The following TTC23 variants were observed in gnomAD, a reference collection of about 807,000 sequenced individuals.
The protein encoded by TTC23 is tetratricopeptide repeat domain 23.
Under a neutral mutation model 55.1 loss-of-function variants are expected in TTC23, and 58 were observed. The observed-to-expected ratio is 1.05, with a 90% CI of 0.85 to 1.31. The LOEUF (loss-of-function observed/expected upper bound fraction) is 1.31. TTC23 is among the 50% of genes most tolerant of loss of function. The pLI is 0.00. For synonymous variants in TTC23, 203 were observed against 199.9 expected, an observed-to-expected ratio of 1.02 and a Z score of -0.13; for missense variants, 516 against 534.4, an observed-to-expected ratio of 0.97 and a Z score of 0.34.
chr15:99,178,526 G>A (rs1001973224), intron 9 of TTC23, among the ~76,000 whole-genome samples: 10 of 152,172 alleles, frequency 6.6e-5, no homozygotes, highest in African/African-American at 2.4e-4. Flanking sequence ...CTACATGCCA[G>A]ATATTGTGCT....
intron 8 of TTC23, among the ~76,000 whole-genome samples, chr15:99,201,456 A>G (rs2076191505): frequency 6.6e-6 from 1 of 152,190 alleles, no homozygotes; most frequent in African/African-American, 2.4e-5. Flanking sequence ...TGCCCAAGAG[A>G]AAGCTAAAAG....
intron 5 of TTC23, among the ~76,000 whole-genome samples, chr15:99,227,714 T>C (rs568856535): frequency 2.0e-5 from 3 of 152,328 alleles, no homozygotes; most frequent in South Asian, 4.1e-4. Context: ...GACAGCTCCT[T>C]ACAGTTCCCC....
chr15:99,240,555 G>A (rs770549073), intron 3 of TTC23, among the ~76,000 whole-genome samples: 1 of 152,192 alleles, frequency 6.6e-6, no homozygotes, highest in African/African-American at 2.4e-5. Context: ...AGGGAAGAGG[G>A]GGAGCTGCCC....
chr15:99,167,700 G>A (rs2151911647), intron 10 of TTC23, among the ~76,000 whole-genome samples: 1 of 152,300 alleles, frequency 6.6e-6, no homozygotes, highest in South Asian at 2.1e-4. Context: ...CTGGAGGGGA[G>A]GTCAGGAGGC....
intron 6 of TTC23, 151 bp from the exon 7 acceptor site, chr15:99,219,199 T>C: frequency 1.2e-6 from 1 of 843,728 alleles, no homozygotes; most frequent in African/African-American, 1.7e-5. Flanking sequence ...AACACTGCCA[T>C]GACTGTAACA....
In TTC23 at chr15:99,200,019, T is replaced by G. The variant is rs371786848; in HGVS notation, c.659A>C (p.Lys220Thr). The G allele has an allele frequency of 8.7e-6, 14 of 1,614,010 alleles. No homozygotes were observed. In the African/African-American group the frequency reaches 1.7e-4, roughly 20 times the overall value. ...QAALEYVEIS[K>T]GETSRECVPI... ...TACACACTCACGACTTGTTTCACCT[T>G]TACTGATCTCAACATATTCCAAAGC... is the stretch of plus-strand genomic sequence containing the variant. The change falls in exon 9 of 14, where the codon AAA becomes ACA. Residue 220 changes from lysine (K) to threonine (T), a missense_variant. Coordinates refer to ENST00000394132, the MANE Select transcript of TTC23 (RefSeq NM_001288615.3).
chr15:99,170,874 G>A (rs1471523653), intron 10 of TTC23, among the ~76,000 whole-genome samples: 2 of 152,230 alleles, frequency 1.3e-5, no homozygotes, highest in African/African-American at 4.8e-5. Flanking sequence ...TTCCCCACAC[G>A]TGCAACACGT....
At position 99,232,875 on chromosome 15, in the gene TTC23, G is replaced by A. The variant is rs1026160249; in HGVS notation, c.-21+2113C>T. 7.2e-5 allele frequency among the ~76,000 whole-genome samples: 11 copies of A among 152,260 alleles called. No homozygotes were observed. In the South Asian group the frequency reaches 2.1e-3, roughly 29 times the overall value. On this transcript the variant is annotated intron_variant, in intron 4 of 13. Transcript: ENST00000394132. ...GCATTATTGACAATGATCAAGATAC[G>A]GTGTTAATGTAAATGTCTATCAACA...
At chr15:99,162,419 T>G (rs2071497285) in intron 10 of TTC23, among the ~76,000 whole-genome samples, 1 of 152,146 alleles carries the variant, frequency 6.6e-6, no homozygotes, top group Admixed American at 6.5e-5. Context: ...TTTAAATGCA[T>G]GCCAATCTTG....
chr15:99,149,464 C>T (rs1190990703), intron 12 of TTC23, among the ~76,000 whole-genome samples: 12 of 152,208 alleles, frequency 7.9e-5, no homozygotes, highest in African/African-American at 2.7e-4. Flanking sequence ...TTCTTGAAGC[C>T]GAGCTGATTT....
chr15:99,167,889 C>T (rs1448665793), intron 10 of TTC23, among the ~76,000 whole-genome samples: 1 of 152,178 alleles, frequency 6.6e-6, no homozygotes, highest in East Asian at 1.9e-4. Flanking sequence ...CAAAGGACCC[C>T]AGGGAGTTTA....
At chr15:99,213,590 G>C (rs1329068683) in intron 8 of TTC23, among the ~76,000 whole-genome samples, 2 of 152,270 alleles carry the variant, frequency 1.3e-5, no homozygotes, top group East Asian at 3.9e-4. Context: ...TTTCTGGCAG[G>C]AAGGGATTCT....
At chr15:99,196,359 C>A (rs1256772290) in intron 9 of TTC23, among the ~76,000 whole-genome samples, 3 of 152,124 alleles carry the variant, frequency 2.0e-5, no homozygotes, top group African/African-American at 7.2e-5. Context: ...TAATATGAAT[C>A]CATATGAACT....
At chr15:99,249,114 C>G (rs562473457) in intron 1 of TTC23, 57 bp downstream of exon 1, 1 of 152,242 alleles carries the variant, frequency 6.6e-6, no homozygotes, top group Admixed American at 6.5e-5. Flanking sequence ...TAACGAAGCA[C>G]AGTTTCTTAA....
chr15:99,188,969 A>G (rs1045477070), intron 9 of TTC23, among the ~76,000 whole-genome samples: 12 of 152,122 alleles, frequency 7.9e-5, no homozygotes, highest in African/African-American at 2.9e-4. Context: ...AAAACTACCA[A>G]TATATACTCC....
At chr15:99,219,326 G>C (rs1362396152) in intron 6 of TTC23, among the ~76,000 whole-genome samples, 1 of 152,088 alleles carries the variant, frequency 6.6e-6, no homozygotes, top group African/African-American at 2.4e-5. Flanking sequence ...AATAGCAGAA[G>C]CAAAATATGT....
chr15:99,154,780 G>A lies in TTC23; in HGVS notation c.1143+1368C>T, dbSNP rs763732089. Among the ~76,000 whole-genome samples, 107 of 152,156 alleles carry A rather than the reference G, an allele frequency of 7.0e-4. 1 individual carries two copies. The highest frequency in any genetic ancestry group is 1.4e-3 in the Non-Finnish European group (94 of 67,998). Reference sequence around the variant, plus strand: ...TAGTTCTAATTAAAAAAGCACTCACGGTAATAGAAATTGATGGATACTTTC... The same window carrying A: ...TAGTTCTAATTAAAAAAGCACTCACAGTAATAGAAATTGATGGATACTTTC... On this transcript the variant is annotated intron_variant, in intron 12 of 13. Coordinates refer to ENST00000394132, the MANE Select transcript of TTC23 (RefSeq NM_001288615.3).
chr15:99,198,426 T>C (rs186510114), intron 9 of TTC23, among the ~76,000 whole-genome samples: 18 of 152,340 alleles, frequency 1.2e-4, no homozygotes, highest in Non-Finnish European at 2.1e-4. Context: ...ATCTTTCCTA[T>C]ATCCATCTAC....
At chr15:99,161,032 CTT>C (rs1020046174) in intron 11 of TTC23, 1 of 135,012 alleles carries the variant, frequency 7.4e-6, no homozygotes, top group African/African-American at 2.8e-5. Flanking sequence ...AAAAAAAAAA[CTT>C]AACGGAGAGG....
Sources: allele counts gnomAD v4.1 joint callset (sites outside exome capture counted in the v4.1 genomes callset), GRCh38; gene constraint gnomAD v4.1.1; transcripts MANE v1.5; gene names NCBI Gene and HGNC (gene_info 2026-07-23, HGNC 2026-07-21).